Variants in WDPCP observed in about 807,000 individuals in gnomAD.
WDPCP encodes WD repeat-containing and planar cell polarity effector protein fritz homolog.
WDPCP carries 71 observed loss-of-function variants against 93.1 expected under a neutral mutation model. The observed-to-expected ratio is 0.76, with a 90% confidence interval of 0.63 to 0.93. The LOEUF (loss-of-function observed/expected upper bound fraction) is 0.93. WDPCP is among the 40% of genes least tolerant of loss of function. WDPCP has a pLI of 0.00. For synonymous variants in WDPCP, 315 were observed against 315.0 expected (o/e 1.00, Z 0.00); for missense variants, 844 against 887.4 (o/e 0.95, Z 0.62).
chr2:63,401,518 A>C (rs1232546731), intron 10 of WDPCP, among the ~76,000 whole-genome samples: 1 of 152,232 alleles, frequency 6.6e-6, no homozygotes, highest in South Asian at 2.1e-4. Flanking sequence ...TCACACTTGT[A>C]ATCCCAGCAC....
At chr2:63,153,599 TGGAAAAA>T in intron 15 of WDPCP, 25 bp from the exon 16 acceptor site, 1 of 1,572,842 alleles carries the variant, frequency 6.4e-7, no homozygotes, top group Non-Finnish European at 8.7e-7. Context: ...TGTTTTTAAT[TGGAAAAA>T]GGATTAAAAA....
At chr2:63,493,058 G>A in intron 1 of WDPCP, 118 bp from the exon 2 acceptor site, 1 of 864,988 alleles carries the variant, frequency 1.2e-6, no homozygotes, top group Non-Finnish European at 1.9e-6. Flanking sequence ...TTGAAATATG[G>A]CCCATTAGAA....
intron 6 of WDPCP, among the ~76,000 whole-genome samples, chr2:63,460,025 C>T (rs1216717436): frequency 6.6e-6 from 1 of 152,188 alleles, no homozygotes; most frequent in Non-Finnish European, 1.5e-5. Context: ...AAAAGGATAT[C>T]TGCACTCACA....
At chr2:63,683,182 TGAG>T (rs1668744424) in intron 2 of WDPCP, among the ~76,000 whole-genome samples, 1 of 152,056 alleles carries the variant, frequency 6.6e-6, no homozygotes, top group South Asian at 2.1e-4. Context: ...GAAAAAAGGA[TGAG>T]AAGACCACAA....
intron 9 of WDPCP, among the ~76,000 whole-genome samples, chr2:63,432,512 A>C (rs1696838329): frequency 6.6e-6 from 1 of 152,138 alleles, no homozygotes; most frequent in Non-Finnish European, 1.5e-5. Flanking sequence ...GTAGTTGCTA[A>C]ATGACATGGC....
intron 14 of WDPCP, among the ~76,000 whole-genome samples, chr2:63,214,407 C>T (rs546695564): frequency 1.4e-4 from 21 of 152,144 alleles, no homozygotes; most frequent in Non-Finnish European, 2.1e-4. Context: ...AAAAGGCCTT[C>T]GACAAAATTC....
At chr2:63,765,909 G>C (rs1389387892) in intron 2 of WDPCP, among the ~76,000 whole-genome samples, 11 of 152,220 alleles carry the variant, frequency 7.2e-5, no homozygotes, top group Admixed American at 7.2e-4. Flanking sequence ...TGCGTGAAGA[G>C]CCATACATCT....
intron 2 of WDPCP, among the ~76,000 whole-genome samples, chr2:63,768,960 C>T (rs561067271): frequency 2.0e-5 from 3 of 152,122 alleles, no homozygotes; most frequent in South Asian, 4.2e-4. Context: ...ATTCACTAAA[C>T]ATTCACCAGC....
At chr2:63,152,579 G>T (rs1671960972) in intron 17 of WDPCP, among the ~76,000 whole-genome samples, 1 of 151,900 alleles carries the variant, frequency 6.6e-6, no homozygotes, top group African/African-American at 2.4e-5. Context: ...GCCAACATCT[G>T]GTTACTCTTA....
intron 2 of WDPCP, among the ~76,000 whole-genome samples, chr2:63,667,209 T>C (rs1710294462): frequency 6.6e-6 from 1 of 152,226 alleles, no homozygotes; most frequent in Admixed American, 6.5e-5. Context: ...GTTACTTTTG[T>C]GTGTGGTCTC....
rs1575215907 is a variant in WDPCP, at chr2:63,357,135, A to C, written c.1748+21251T>G. Among the ~76,000 whole-genome samples, 3 of 152,364 alleles carry C rather than the reference A, an allele frequency of 2.0e-5. No homozygotes were observed. In the East Asian group the frequency reaches 5.8e-4, roughly 29 times the overall value. ...CAAAAATCAACTCAAGATGGATTAA[A>C]GACTTAAATGTAAAACCTAAAACTA... On this transcript the variant is annotated intron_variant, in intron 12 of 17. Transcript: ENST00000272321.
chr2:63,412,644 C>A (rs1035113358), intron 9 of WDPCP, among the ~76,000 whole-genome samples: 1 of 152,118 alleles, frequency 6.6e-6, no homozygotes, highest in Non-Finnish European at 1.5e-5. Flanking sequence ...AGTACTCCTC[C>A]AGAAAGCTCC....
chr2:63,140,106 G>T (rs1391703463), intron 17 of WDPCP, among the ~76,000 whole-genome samples: 2 of 152,062 alleles, frequency 1.3e-5, no homozygotes, highest in Non-Finnish European at 2.9e-5. Context: ...TTGCTTTGTT[G>T]AAAATCAGTT....
intron 14 of WDPCP, among the ~76,000 whole-genome samples, chr2:63,250,674 T>A (rs1462891053): frequency 1.3e-5 from 2 of 152,200 alleles, no homozygotes; most frequent in Non-Finnish European, 2.9e-5. Flanking sequence ...GAGGGTTGTA[T>A]GGTCAAAATT....
chr2:63,335,051 CTA>C (rs1558484684), intron 12 of WDPCP, among the ~76,000 whole-genome samples: 1 of 152,146 alleles, frequency 6.6e-6, no homozygotes, highest in African/African-American at 2.4e-5. Context: ...TTCCTCTGCT[CTA>C]TGTTTATCTT....
chr2:63,679,241 A>T (rs262534), intron 2 of WDPCP, among the ~76,000 whole-genome samples: 106,183 of 151,944 alleles, frequency 0.7, 37,367 homozygotes, highest in East Asian at 0.98. Context: ...AATTCTTGCA[A>T]TCAGCTTGAG....
At chr2:63,654,336 T>C (rs913589486) in intron 2 of WDPCP, among the ~76,000 whole-genome samples, 3 of 152,214 alleles carry the variant, frequency 2.0e-5, no homozygotes, top group African/African-American at 7.2e-5. Flanking sequence ...ATAGAGGTTC[T>C]TGGGGCTAAA....
chr2:63,795,554 GAAGA>G (rs541591205), intron 2 of WDPCP, among the ~76,000 whole-genome samples: 43 of 147,320 alleles, frequency 2.9e-4, no homozygotes, highest in South Asian at 6.5e-4. Flanking sequence ...AGAGAGGGGG[GAAGA>G]AAGAAAGAAA....
intron 2 of WDPCP, among the ~76,000 whole-genome samples, chr2:63,683,311 T>TA (rs1361731174): frequency 6.6e-6 from 1 of 151,614 alleles, no homozygotes; most frequent in Admixed American, 6.6e-5. Context: ...GCTGAATGGA[T>TA]AAAAAAAGCA....
Sources: allele counts gnomAD v4.1 joint callset (sites outside exome capture counted in the v4.1 genomes callset), GRCh38; gene constraint gnomAD v4.1.1; transcripts MANE v1.5; gene names NCBI Gene and HGNC (gene_info 2026-07-23, HGNC 2026-07-21).